PSMF1: variants seen among roughly 807,000 people sequenced by gnomAD.
PSMF1 encodes the protein proteasome inhibitor subunit 1.
PSMF1 carries 30 observed loss-of-function variants against 29.3 expected under a neutral mutation model. That is an observed-to-expected ratio of 1.02 (90% CI 0.77 to 1.39). PSMF1 has a LOEUF of 1.39. Ranked by LOEUF, PSMF1 falls within the 40% of genes most tolerant of loss-of-function variation. The probability of loss-of-function intolerance (pLI) is 0.00; values close to 1 mark genes in which losing one functional copy is unlikely to be tolerated. For synonymous variants in PSMF1, 134 were observed against 139.7 expected (o/e 0.96, Z 0.29); for missense variants, 344 against 357.5 (o/e 0.96, Z 0.31).
chr20:1,148,056 A>T (rs1339417571), intron 4 of PSMF1, among the ~76,000 whole-genome samples: 1 of 152,160 alleles, frequency 6.6e-6, no homozygotes, highest in Non-Finnish European at 1.5e-5. Context: ...TGCCTCTCTC[A>T]CACCTGGAAA....
intron 4 of PSMF1, among the ~76,000 whole-genome samples, chr20:1,150,754 C>T (rs945179574): frequency 1.3e-5 from 2 of 152,074 alleles, no homozygotes; most frequent in Non-Finnish European, 2.9e-5. Flanking sequence ...ATTGTTAAAG[C>T]ATTCCTAATT....
At chr20:1,115,739 T>G (rs538364053), upstream of PSMF1, among the ~76,000 whole-genome samples, 60 of 150,718 alleles carry the variant, frequency 4.0e-4, no homozygotes, top group African/African-American at 1.4e-3. Context: ...TTAATCCACT[T>G]TTTTTTTTTT....
chr20:1,166,160 G>T lies in PSMF1; in HGVS notation c.*1080G>T, dbSNP rs974604837. The T allele has an allele frequency of 3.8e-6, 6 of 1,595,750 alleles. No individual in the cohort carries two copies. In the African/African-American group the frequency reaches 6.7e-5, roughly 18 times the overall value. Reference sequence around the variant, plus strand: ...TGAGTGTGGTGTTGAACTTCGGGAGGAGCAGGGAGCCCTGCACCTTGTGTC... The same window carrying T: ...TGAGTGTGGTGTTGAACTTCGGGAGTAGCAGGGAGCCCTGCACCTTGTGTC... On this transcript the variant is annotated 3_prime_UTR_variant, in exon 7 of 7. Coordinates refer to ENST00000335877, the MANE Select transcript of PSMF1 (RefSeq NM_006814.5).
chr20:1,123,648 G>A (rs2086118861), intron 1 of PSMF1, among the ~76,000 whole-genome samples: 1 of 152,058 alleles, frequency 6.6e-6, no homozygotes, highest in African/African-American at 2.4e-5. Context: ...TGCTACCTTA[G>A]CCAAGGCTAT....
intron 4 of PSMF1, among the ~76,000 whole-genome samples, chr20:1,146,490 T>C (rs1166483482): frequency 6.6e-6 from 1 of 152,192 alleles, no homozygotes; most frequent in Non-Finnish European, 1.5e-5. Flanking sequence ...AATCTCCCTG[T>C]GGACAGTTGG....
intron 4 of PSMF1, among the ~76,000 whole-genome samples, chr20:1,146,246 A>C (rs901986307): frequency 2.0e-5 from 3 of 150,430 alleles, no homozygotes; most frequent in African/African-American, 7.3e-5. Context: ...TATTTCTTAA[A>C]CTCTCTTTCT....
At position 1,166,479 on chromosome 20, in the gene PSMF1, A is replaced by G. The variant is rs2086731683; in HGVS notation, c.*1399A>G. ...AGGTATCTGCCAGGCTGTTTTCTGT[A>G]GCCTCAGATTGCCTATCTGCTTAGC... is the stretch of plus-strand genomic sequence containing the variant. On this transcript the variant is annotated 3_prime_UTR_variant, in exon 7 of 7. Transcript: ENST00000335877. 2 of 588,080 alleles carry G rather than the reference A, an allele frequency of 3.4e-6. No individual in the cohort carries two copies. The highest frequency in any genetic ancestry group is 6.1e-6 in the Non-Finnish European group (2 of 328,718). The allele number at this position is 588,080 out of a possible 1,614,324, so 36.4% of individuals were successfully genotyped here.
chr20:1,159,768 T>C (rs2086643599), intron 4 of PSMF1, among the ~76,000 whole-genome samples: 1 of 152,128 alleles, frequency 6.6e-6, no homozygotes, highest in South Asian at 2.1e-4. Flanking sequence ...GTAACCTAGG[T>C]CAGGAAAAAT....
rs1469274756 is a variant in PSMF1, at chr20:1,163,097, G to C, written c.552-33G>C. The C allele has an allele frequency of 5.0e-6, 8 of 1,613,050 alleles. No individual in the cohort carries two copies. Among genetic ancestry groups the C allele is most frequent in the Admixed American group, 3.3e-5 (2 of 59,968 alleles). On this transcript the variant is annotated intron_variant, in intron 4 of 6. Coordinates refer to ENST00000335877, the MANE Select transcript of PSMF1 (RefSeq NM_006814.5). This position sits in a 1 kb window ranked among gnomAD's most constrained non-coding sequence, Gnocchi z 6.1. ...ATGTATCAGGTGCCTGGCTGCTCTG[G>C]GACTTGCAGTAATTGTCTCTTGTTT... is the stretch of plus-strand genomic sequence containing the variant.
At chr20:1,142,160 T>G (rs1046912520) in intron 4 of PSMF1, among the ~76,000 whole-genome samples, 4 of 152,188 alleles carry the variant, frequency 2.6e-5, no homozygotes, top group African/African-American at 9.7e-5. Context: ...AGGCAGAGGT[T>G]GCAGTGAGCT....
At chr20:1,142,753 C>A (rs1437683561) in intron 4 of PSMF1, among the ~76,000 whole-genome samples, 1 of 152,176 alleles carries the variant, frequency 6.6e-6, no homozygotes, top group Non-Finnish European at 1.5e-5. Context: ...GTCTTTATAG[C>A]AGCATGTTTT....
At chr20:1,114,168 T>C (rs148407657), upstream of PSMF1, among the ~76,000 whole-genome samples, 1,390 of 152,290 alleles carry the variant, frequency 9.1e-3, 28 homozygotes, top group African/African-American at 0.031. Context: ...GAAGCAGCTC[T>C]CAGCCTGTGG....
intron 4 of PSMF1, among the ~76,000 whole-genome samples, chr20:1,138,353 A>G (rs1358351797): frequency 6.6e-6 from 1 of 152,162 alleles, no homozygotes. Flanking sequence ...GTGTTAAGAT[A>G]CCATATCAAT....
chr20:1,139,103 G>A (rs1286857589), intron 4 of PSMF1, among the ~76,000 whole-genome samples: 2 of 152,100 alleles, frequency 1.3e-5, no homozygotes, highest in African/African-American at 2.4e-5. Flanking sequence ...AACCTGGGAG[G>A]TGGAGGTTGC....
chr20:1,113,982 C>T (rs1230134393), upstream of PSMF1, among the ~76,000 whole-genome samples: 8 of 152,216 alleles, frequency 5.3e-5, no homozygotes, highest in Non-Finnish European at 1.0e-4. Flanking sequence ...TGAGCCACCG[C>T]GCCCGGCCTG....
intron 4 of PSMF1, among the ~76,000 whole-genome samples, chr20:1,140,911 G>C (rs1568472961): frequency 6.6e-6 from 1 of 152,180 alleles, no homozygotes; most frequent in African/African-American, 2.4e-5. Flanking sequence ...AGTATTATTT[G>C]CAATAGCCAA....
intron 4 of PSMF1, among the ~76,000 whole-genome samples, chr20:1,142,444 C>T (rs1371672087): frequency 9.2e-5 from 14 of 151,788 alleles, no homozygotes; most frequent in African/African-American, 1.9e-4. Flanking sequence ...CAACAGGCCC[C>T]GGTGTGTGAT....
At chr20:1,153,462 TTCC>T (rs928500875) in intron 4 of PSMF1, among the ~76,000 whole-genome samples, 11 of 152,110 alleles carry the variant, frequency 7.2e-5, no homozygotes, top group African/African-American at 2.7e-4. Flanking sequence ...GGCATTCTTC[TTCC>T]TCCACAATCC....
chr20:1,124,969 T>C (rs1411526010), intron 1 of PSMF1, among the ~76,000 whole-genome samples: 2 of 152,250 alleles, frequency 1.3e-5, no homozygotes, highest in African/African-American at 4.8e-5. Context: ...GATGTTCTAT[T>C]TCTTAAGCTG....
Sources: allele counts gnomAD v4.1 joint callset (sites outside exome capture counted in the v4.1 genomes callset), GRCh38; gene constraint gnomAD v4.1.1; non-coding constraint Gnocchi (gnomAD v3.1); transcripts MANE v1.5; gene names NCBI Gene and HGNC (gene_info 2026-07-23, HGNC 2026-07-21).